RARB: variants seen among roughly 807,000 people sequenced by gnomAD.
RARB encodes the protein retinoic acid receptor beta.
Under a neutral mutation model 51.9 loss-of-function variants are expected in RARB, and 17 were observed. The observed-to-expected ratio is 0.33, with a 90% CI of 0.22 to 0.49. RARB has a LOEUF of 0.49. Ranked by LOEUF, RARB falls within the 20% of genes least tolerant of loss-of-function variation. RARB has a pLI of 0.99. For synonymous variants in RARB, 215 were observed against 195.4 expected, an observed-to-expected ratio of 1.10 and a Z score of -0.84; for missense variants, 369 against 550.8, an observed-to-expected ratio of 0.67 and a Z score of 3.30.
At chr3:24,994,359 TGTTGA>T (rs926264363) in intron 2 of RARB, among the ~76,000 whole-genome samples, 3 of 152,274 alleles carry the variant, frequency 2.0e-5, no homozygotes, top group Non-Finnish European at 4.4e-5. Flanking sequence ...GTATTTTTCT[TGTTGA>T]GTTATCTGAA....
At chr3:24,951,182 G>A (rs1237928465) in intron 2 of RARB, among the ~76,000 whole-genome samples, 1 of 152,204 alleles carries the variant, frequency 6.6e-6, no homozygotes, top group African/African-American at 2.4e-5. Context: ...TCAAGGAGGG[G>A]TGGTTGCATT....
At chr3:25,066,694 T>C (rs1290708670) in intron 3 of RARB, among the ~76,000 whole-genome samples, 3 of 149,864 alleles carry the variant, frequency 2.0e-5, no homozygotes, top group African/African-American at 7.4e-5. Context: ...TTTTTAAAAA[T>C]CCCCAATTAC....
At chr3:25,519,941 A>G (rs1698334333) in intron 3 of RARB, among the ~76,000 whole-genome samples, 1 of 152,212 alleles carries the variant, frequency 6.6e-6, no homozygotes, top group Admixed American at 6.5e-5. Context: ...AGAAATCTTG[A>G]TATCTGAAGA....
intron 4 of RARB, among the ~76,000 whole-genome samples, chr3:25,137,677 C>T (rs1263995193): frequency 6.6e-6 from 1 of 151,990 alleles, no homozygotes; most frequent in East Asian, 1.9e-4. Flanking sequence ...ATTTACCAGG[C>T]CCATTGAAGG....
intron 4 of RARB, among the ~76,000 whole-genome samples, chr3:25,162,229 A>G (rs529354453): frequency 5.3e-4 from 80 of 152,150 alleles, no homozygotes; most frequent in Non-Finnish European, 2.2e-4. Context: ...TCAACCTCTC[A>G]AGTAGCTAAG....
chr3:25,339,156 C>T (rs1233073853), intron 5 of RARB, among the ~76,000 whole-genome samples: 2 of 152,102 alleles, frequency 1.3e-5, no homozygotes, highest in African/African-American at 4.8e-5. Context: ...GAGAAGTCTC[C>T]CAGGATCAAA....
At chr3:25,421,538 C>T (rs932755131) in intron 5 of RARB, among the ~76,000 whole-genome samples, 2 of 150,750 alleles carry the variant, frequency 1.3e-5, no homozygotes, top group Non-Finnish European at 1.5e-5. Flanking sequence ...TAGCCTCCCG[C>T]GTAGCTGGGA....
intron 3 of RARB, among the ~76,000 whole-genome samples, chr3:25,098,769 C>A (rs905309555): frequency 1.3e-5 from 2 of 152,262 alleles, no homozygotes; most frequent in East Asian, 1.9e-4. Flanking sequence ...AGTTTACTGA[C>A]CCCGATCCTA....
intron 3 of RARB, among the ~76,000 whole-genome samples, chr3:25,106,550 C>T (rs1210498888): frequency 6.7e-6 from 1 of 149,628 alleles, no homozygotes; most frequent in Non-Finnish European, 1.5e-5. Context: ...CAATCTGCCC[C>T]TCTCATCCTC....
At position 25,052,393 on chromosome 3, in the gene RARB, G is replaced by A. The variant is rs1026444660; in HGVS notation, c.-379-7732G>A. On this transcript the variant is annotated intron_variant, in intron 2 of 11. Transcript: ENST00000383772. ...GCTAGCTTTAACAAATAAAAATATAGGACACCAAAGTAAATTTGAATTGTA... is the reference window on the plus strand; with the variant it reads ...GCTAGCTTTAACAAATAAAAATATAAGACACCAAAGTAAATTTGAATTGTA... 1.3e-4 allele frequency among the ~76,000 whole-genome samples: 20 copies of A among 151,948 alleles called. 1 individual carries two copies. Among genetic ancestry groups the A allele is most frequent in the East Asian group, 7.7e-4 (4 of 5,178 alleles).
intron 4 of RARB, among the ~76,000 whole-genome samples, chr3:25,162,129 G>C (rs1432301105): frequency 2.6e-5 from 4 of 152,108 alleles, no homozygotes; most frequent in Non-Finnish European, 4.4e-5. Flanking sequence ...TTTAGAGACA[G>C]ACTCTCCCTC....
intron 4 of RARB, among the ~76,000 whole-genome samples, chr3:25,157,358 G>GTT: frequency 1.3e-5 from 1 of 76,780 alleles, no homozygotes; most frequent in African/African-American, 3.8e-5. Context: ...GTTTGTGTGT[G>GTT]TGTGTGTGTG....
chr3:24,841,605 A>G (rs1040226288), intron 1 of RARB, among the ~76,000 whole-genome samples: 15 of 152,242 alleles, frequency 9.9e-5, no homozygotes, highest in African/African-American at 3.4e-4. Flanking sequence ...TAGATTAGTA[A>G]AAAACAAGTA....
chr3:25,334,375 T>C (rs957903051), intron 5 of RARB, among the ~76,000 whole-genome samples: 10 of 152,166 alleles, frequency 6.6e-5, no homozygotes, highest in Admixed American at 6.5e-4. Context: ...TCATGTCCTT[T>C]TTAGGGACAT....
chr3:25,024,962 A>C lies in RARB; in HGVS notation c.-379-35163A>C, dbSNP rs1697714212. ...GAGTGAGACTCCGTCTCAAAAAAAAAAAAAAAAAAAAAAGGAAATTTAAAA... is the reference window on the plus strand; with the variant it reads ...GAGTGAGACTCCGTCTCAAAAAAAACAAAAAAAAAAAAAGGAAATTTAAAA... On this transcript the variant is annotated intron_variant, in intron 2 of 11. Coordinates refer to the RARB transcript ENST00000383772. 1.3e-5 allele frequency: 2 copies of C among 150,854 alleles called. 1 individual carries two copies. The highest frequency in any genetic ancestry group is 4.9e-5 in the African/African-American group (2 of 40,660). The allele number at this position is 150,854 out of a possible 1,614,324, so 9.3% of individuals were successfully genotyped here.
intron 5 of RARB, among the ~76,000 whole-genome samples, chr3:25,197,945 A>G (rs1272905896): frequency 1.3e-5 from 2 of 152,090 alleles, no homozygotes; most frequent in Non-Finnish European, 2.9e-5. Flanking sequence ...TAAAATGTAT[A>G]TGGGACCACA....
rs112642978 is a variant in RARB at position 25,229,707 on chromosome 3, G to C, written c.178+55132G>C. Among the ~76,000 whole-genome samples the C allele has an allele frequency of 8.8e-3, 769 of 87,648 alleles. 13 individuals carry two copies. The highest frequency in any genetic ancestry group is 0.03 in the African/African-American group (678 of 22,424). 57.5% of individuals were successfully genotyped at this position (87,648 alleles called of 152,430 possible). On this transcript the variant is annotated intron_variant, in intron 5 of 11. Transcript: ENST00000383772. ...CATCTCCCCACCCCCACCCCCAGCAGTCATTGTTAGAAAGCATTAAATTGA... is the reference window on the plus strand; with the variant it reads ...CATCTCCCCACCCCCACCCCCAGCACTCATTGTTAGAAAGCATTAAATTGA...
intron 1 of RARB, among the ~76,000 whole-genome samples, chr3:25,438,691 C>T (rs1337778722): frequency 2.0e-5 from 3 of 152,178 alleles, no homozygotes; most frequent in Non-Finnish European, 4.4e-5. Context: ...CTGTTACTCA[C>T]TTGGGGGTCC....
At chr3:24,909,367 A>T (rs1329540924) in intron 2 of RARB, among the ~76,000 whole-genome samples, 1 of 152,210 alleles carries the variant, frequency 6.6e-6, no homozygotes, top group Non-Finnish European at 1.5e-5. Context: ...AGCAATATCA[A>T]TAAAATATGG....
Sources: gnomAD v4.1 joint callset for allele counts (sites outside exome capture counted in the v4.1 genomes callset) on GRCh38, gnomAD v4.1.1 for gene constraint, MANE v1.5 for transcripts, NCBI Gene and HGNC (gene_info 2026-07-23, HGNC 2026-07-21) for gene names.